The following TENM2 variants were observed in gnomAD, a reference collection of about 807,000 sequenced individuals.
TENM2 encodes teneurin transmembrane protein 2, also known as teneurin-2.
In TENM2, 52 loss-of-function variants were observed where a neutral mutation model predicts 245.2. The observed-to-expected ratio is 0.21, with a 90% CI of 0.17 to 0.27. The LOEUF (loss-of-function observed/expected upper bound fraction) is 0.27, where lower values mean the gene tolerates loss of function less well. TENM2 is among the 10% of genes least tolerant of loss of function. The pLI, the probability that TENM2 is intolerant of heterozygous loss-of-function variation, is 1.00. For missense variants in TENM2, 3,046 were observed against 3,666.8 expected (o/e 0.83, Z 4.37); for synonymous variants, 1,363 against 1,438.9 (o/e 0.95, Z 1.19).
intron 2 of TENM2, among the ~76,000 whole-genome samples, chr5:167,668,277 C>G (rs1046432693): frequency 2.6e-5 from 4 of 152,090 alleles, no homozygotes; most frequent in East Asian, 1.9e-4. Flanking sequence ...AAATCTAGCT[C>G]TTGTGTAAAT....
At chr5:167,607,858 T>C (rs1339675604) in intron 2 of TENM2, among the ~76,000 whole-genome samples, 1 of 152,198 alleles carries the variant, frequency 6.6e-6, no homozygotes, top group Admixed American at 6.5e-5. Flanking sequence ...TATCGTGGAA[T>C]ACAGAATGAA....
chr5:167,350,637 A>G (rs900588874), intron 1 of TENM2, among the ~76,000 whole-genome samples: 1 of 144,736 alleles, frequency 6.9e-6, no homozygotes, highest in Non-Finnish European at 1.5e-5. Context: ...ATATATATAT[A>G]TGGGATACGT....
At chr5:167,473,379 C>T (rs933304748) in intron 2 of TENM2, among the ~76,000 whole-genome samples, 1 of 152,174 alleles carries the variant, frequency 6.6e-6, no homozygotes, top group South Asian at 2.1e-4. Context: ...CATGGTCTGG[C>T]ACTTTCAGCA....
chr5:167,520,100 C>A (rs1770656136), intron 2 of TENM2, among the ~76,000 whole-genome samples: 1 of 152,172 alleles, frequency 6.6e-6, no homozygotes, highest in African/African-American at 2.4e-5. Flanking sequence ...TAGAGTTAAT[C>A]ATACCAGATA....
chr5:167,855,215 T>C (rs1449482947), intron 2 of TENM2, among the ~76,000 whole-genome samples: 1 of 152,084 alleles, frequency 6.6e-6, no homozygotes, highest in East Asian at 1.9e-4. Flanking sequence ...TTTCTTGTGC[T>C]TCCCCTAGAC....
the TENM2 span, among the ~76,000 whole-genome samples, chr5:167,053,264 C>T: frequency 6.6e-6 from 1 of 152,090 alleles, no homozygotes; most frequent in African/African-American, 2.4e-5. Context: ...AAAATATGCT[C>T]TTTTCTTATA....
At chr5:168,126,040 C>T (rs778296627) in intron 11 of TENM2, among the ~76,000 whole-genome samples, 1 of 152,202 alleles carries the variant, frequency 6.6e-6, no homozygotes, top group Admixed American at 6.5e-5. Flanking sequence ...CTTGTCCTCG[C>T]GTGAGAGGTC....
At chr5:166,997,820 G>T in the TENM2 span, among the ~76,000 whole-genome samples, 3 of 152,112 alleles carry the variant, frequency 2.0e-5, no homozygotes, top group South Asian at 6.2e-4. Flanking sequence ...AAGTGCCGGG[G>T]ATACTAATTT....
intron 15 of TENM2, among the ~76,000 whole-genome samples, chr5:168,197,360 G>C (rs1037425633): frequency 7.9e-5 from 12 of 152,054 alleles, no homozygotes; most frequent in African/African-American, 1.4e-4. Flanking sequence ...TTAGCTGCTG[G>C]GGATTCTGAA....
intron 2 of TENM2, among the ~76,000 whole-genome samples, chr5:167,479,381 A>G (rs1025119182): frequency 3.3e-5 from 5 of 152,200 alleles, no homozygotes; most frequent in Non-Finnish European, 5.9e-5. Flanking sequence ...AAACTATTGA[A>G]TAACAGAAAT....
chr5:167,066,813 G>C, the TENM2 span, among the ~76,000 whole-genome samples: 1 of 152,126 alleles, frequency 6.6e-6, no homozygotes, highest in Non-Finnish European at 1.5e-5. Flanking sequence ...AGTTTCTGGT[G>C]AGACCTACAG....
At chr5:167,038,255 A>G in the TENM2 span, among the ~76,000 whole-genome samples, 1 of 152,240 alleles carries the variant, frequency 6.6e-6, no homozygotes, top group Middle Eastern at 3.2e-3. Context: ...AGGTTGCATC[A>G]GTGCTAGTCA....
In TENM2 at chr5:168,247,601, C is replaced by T. The variant is rs1766705721; in HGVS notation, c.6662C>T (p.Thr2221Ile). Reference sequence around the variant, plus strand: ...AGCGTGGCCGTCAATGACCGCCCGACCTGGCGCTACAGCTATGACCTTAAT... The same window carrying T: ...AGCGTGGCCGTCAATGACCGCCCGATCTGGCGCTACAGCTATGACCTTAAT... The change falls in exon 27 of 29, where the codon ACC becomes ATC. Residue 2221 changes from threonine (T) to isoleucine (I), a missense_variant. Thr to Ile is a moderately conservative substitution (Grantham distance 89, BLOSUM62 -1). Coordinates refer to ENST00000518659, the Ensembl canonical transcript of TENM2. This position sits in a 1 kb window ranked among gnomAD's most constrained non-coding sequence, Gnocchi z 7.8. The T allele has an allele frequency of 6.2e-7, 1 of 1,613,214 alleles. No homozygotes were observed. The highest frequency in any genetic ancestry group is 8.5e-7 in the Non-Finnish European group (1 of 1,179,214).
At chr5:167,600,437 AAG>A (rs1776560364) in intron 2 of TENM2, among the ~76,000 whole-genome samples, 2 of 152,172 alleles carry the variant, frequency 1.3e-5, no homozygotes, top group South Asian at 4.1e-4. Context: ...TGCTACTTAA[AAG>A]AGAGTTTTAA....
intron 2 of TENM2, among the ~76,000 whole-genome samples, chr5:167,542,859 T>C (rs748079732): frequency 6.6e-6 from 1 of 152,128 alleles, no homozygotes; most frequent in Non-Finnish European, 1.5e-5. Context: ...ATTTCTTGCT[T>C]TGGACCAAAC....
chr5:167,739,998 T>C (rs1328617564), intron 2 of TENM2, among the ~76,000 whole-genome samples: 1 of 152,164 alleles, frequency 6.6e-6, no homozygotes, highest in Admixed American at 6.5e-5. Flanking sequence ...TAAAATAAAA[T>C]CCCTGGGATA....
At chr5:167,410,482 T>C (rs1182373701) in intron 2 of TENM2, among the ~76,000 whole-genome samples, 1 of 151,896 alleles carries the variant, frequency 6.6e-6, no homozygotes, top group African/African-American at 2.4e-5. Context: ...AACTCATTTA[T>C]AAAAATTAGC....
intron 1 of TENM2, among the ~76,000 whole-genome samples, chr5:167,330,734 TTC>T (rs1296537988): frequency 1.3e-5 from 2 of 152,190 alleles, no homozygotes; most frequent in African/African-American, 2.4e-5. Context: ...TCATGATAAT[TTC>T]TGTTTCCTCT....
At chr5:167,956,890 A>C (rs1001286464) in intron 4 of TENM2, among the ~76,000 whole-genome samples, 2 of 151,878 alleles carry the variant, frequency 1.3e-5, no homozygotes, top group Non-Finnish European at 2.9e-5. Context: ...TTTATTGAGG[A>C]TTTTCGCATC....
Sources: gnomAD v4.1 joint callset for allele counts (sites outside exome capture counted in the v4.1 genomes callset) on GRCh38, gnomAD v4.1.1 for gene constraint, Gnocchi (gnomAD v3.1) non-coding constraint, MANE v1.5 for transcripts, NCBI Gene and HGNC (gene_info 2026-07-23, HGNC 2026-07-21) for gene names.